MED13L: variants seen among roughly 807,000 people sequenced by gnomAD.
MED13L encodes the protein mediator of RNA polymerase II transcription subunit 13-like.
A neutral mutation model predicts 220.9 loss-of-function variants in MED13L; 7 were observed. That is an observed-to-expected ratio of 0.03 (90% CI 0.02 to 0.06). The LOEUF (loss-of-function observed/expected upper bound fraction) is 0.06, where lower values mean the gene tolerates loss of function less well. MED13L is among the 10% of genes least tolerant of loss of function. MED13L has a pLI of 1.00. For missense variants in MED13L, 1,965 were observed against 2,760.5 expected (o/e 0.71, Z 6.46); for synonymous variants, 1,011 against 1,015.2 (o/e 1.00, Z 0.08).
intron 2 of MED13L, among the ~76,000 whole-genome samples, chr12:116,214,065 T>C (rs1451428540): frequency 6.6e-6 from 1 of 152,228 alleles, no homozygotes; most frequent in Non-Finnish European, 1.5e-5. Context: ...GCCTATGGGG[T>C]AGCCCTGCTC....
chr12:116,132,634 A>C (rs1212339010), intron 2 of MED13L, among the ~76,000 whole-genome samples: 1 of 152,078 alleles, frequency 6.6e-6, no homozygotes, highest in Non-Finnish European at 1.5e-5. Flanking sequence ...GAAAGGGAAG[A>C]AACAGGTCGG....
intron 2 of MED13L, among the ~76,000 whole-genome samples, chr12:116,182,400 C>T (rs1049304933): frequency 6.6e-6 from 1 of 152,210 alleles, no homozygotes; most frequent in Non-Finnish European, 1.5e-5. Flanking sequence ...TTGGTCTCAA[C>T]TGATGACCTT....
At chr12:115,990,207 T>C (rs753205464) in intron 17 of MED13L, among the ~76,000 whole-genome samples, 1 of 152,176 alleles carries the variant, frequency 6.6e-6, no homozygotes, top group Non-Finnish European at 1.5e-5. Context: ...TACTCATCAT[T>C]GAGATCTCTG....
At chr12:116,009,692 A>G (rs748638992) in intron 9 of MED13L, among the ~76,000 whole-genome samples, 12 of 152,232 alleles carry the variant, frequency 7.9e-5, no homozygotes, top group South Asian at 4.1e-4. Context: ...ATGTGCCACT[A>G]TATCTAGGCA....
chr12:116,155,757 A>G (rs952472595), intron 2 of MED13L, among the ~76,000 whole-genome samples: 5 of 152,158 alleles, frequency 3.3e-5, no homozygotes, highest in Non-Finnish European at 5.9e-5. Flanking sequence ...CTGTTAATAT[A>G]TTAACTATTC....
chr12:116,259,793 G>A (rs549392873), intron 1 of MED13L, among the ~76,000 whole-genome samples: 6 of 152,080 alleles, frequency 3.9e-5, no homozygotes, highest in African/African-American at 1.2e-4. Flanking sequence ...GTGAGGGGAG[G>A]GATCCTTCAT....
chr12:116,170,056 T>C (rs1392884027), intron 2 of MED13L, among the ~76,000 whole-genome samples: 3 of 152,172 alleles, frequency 2.0e-5, no homozygotes, highest in Non-Finnish European at 2.9e-5. Context: ...TGAACTTCTA[T>C]ATTCTGTCAC....
chr12:116,011,390 C>A (rs1268406414), intron 9 of MED13L, among the ~76,000 whole-genome samples: 1 of 152,118 alleles, frequency 6.6e-6, no homozygotes, highest in Admixed American at 6.5e-5. Context: ...TTACACTTAA[C>A]GTGTTACAAA....
At chr12:115,966,332 T>A in intron 28 of MED13L, 89 bp from the exon 29 acceptor site, 1 of 1,408,782 alleles carries the variant, frequency 7.1e-7, no homozygotes, top group Non-Finnish European at 9.9e-7. Flanking sequence ...CACACTGCAG[T>A]GAGTGATCCC....
chr12:116,118,447 T>C (rs2137936917), intron 2 of MED13L, among the ~76,000 whole-genome samples: 1 of 152,294 alleles, frequency 6.6e-6, no homozygotes, highest in Non-Finnish European at 1.5e-5. Flanking sequence ...GAAAATTACA[T>C]ACTAAAGATT....
rs751600660 is a variant in MED13L, at chr12:116,109,060, CTTTTTTTT to C, written c.395+2360_395+2367del. On this transcript the variant is annotated intron_variant, in intron 3 of 30. Transcript: ENST00000281928. Reference sequence around the variant, plus strand: ...AACTTTATATGTCATAATTAATTTCCTTTTTTTTTTTTTTTTTTTTTTTTTTTGGAAAC... The same window carrying C: ...AACTTTATATGTCATAATTAATTTCCTTTTTTTTTTTTTTTTTTTGGAAAC... Among the ~76,000 whole-genome samples, 5 of 97,112 alleles carry C rather than the reference CTTTTTTTT, an allele frequency of 5.1e-5. No individual in the cohort carries two copies. The East Asian group carries it at 8.6e-4, about 17-fold the overall frequency. 63.7% of individuals were successfully genotyped at this position (97,112 alleles called of 152,430 possible). A position where few individuals can be genotyped will look rare whatever the true frequency, so the allele number is the denominator to read the frequency against.
At chr12:116,161,700 G>A (rs1878866594) in intron 2 of MED13L, among the ~76,000 whole-genome samples, 1 of 152,094 alleles carries the variant, frequency 6.6e-6, no homozygotes. Context: ...AGGAGGAGCT[G>A]CTTACTCAAA....
At chr12:116,225,200 T>C (rs1001391538) in intron 2 of MED13L, among the ~76,000 whole-genome samples, 1 of 152,212 alleles carries the variant, frequency 6.6e-6, no homozygotes, top group Non-Finnish European at 1.5e-5. Context: ...AATAGATATA[T>C]CTGTGTATAT....
At chr12:116,225,635 T>C (rs766390995) in intron 2 of MED13L, among the ~76,000 whole-genome samples, 19 of 152,190 alleles carry the variant, frequency 1.2e-4, no homozygotes, top group Non-Finnish European at 2.8e-4. Context: ...ATTTTTCTCC[T>C]TTAGACTAAA....
Position 116,022,439 on chromosome 12 carries a change from G to C in MED13L, c.625+17C>G. The stretch of plus-strand genomic sequence containing the variant: ...CGGTGGCGGATAGGGGTGGAGAGCA[G>C]GAACACCCATACTTACCTTGAAATG... On this transcript the variant is annotated intron_variant, in intron 5 of 30. Transcript: ENST00000281928. The C allele has an allele frequency of 6.2e-7, 1 of 1,613,368 alleles. No individual in the cohort carries two copies. The highest frequency in any genetic ancestry group is 8.5e-7 in the Non-Finnish European group (1 of 1,179,628).
At chr12:116,007,872 A>ATTCCATCTGT in intron 10 of MED13L, 1 of 527,752 alleles carries the variant, frequency 1.9e-6, no homozygotes, top group Non-Finnish European at 3.4e-6. Context: ...CTAGTTTCAA[A>ATTCCATCTGT]TTCCATCTGT....
chr12:116,056,071 T>G (rs1326706803), intron 4 of MED13L, among the ~76,000 whole-genome samples: 1 of 151,972 alleles, frequency 6.6e-6, no homozygotes, highest in African/African-American at 2.4e-5. Flanking sequence ...GGTGGTTTAG[T>G]AAGCTGCTGG....
chr12:116,072,427 G>A (rs1450780661), intron 4 of MED13L, among the ~76,000 whole-genome samples: 1 of 152,094 alleles, frequency 6.6e-6, no homozygotes, highest in Non-Finnish European at 1.5e-5. Flanking sequence ...GTAAACACAT[G>A]AAACATGCCT....
chr12:115,963,066 A>C (rs533583526), intron 30 of MED13L, among the ~76,000 whole-genome samples: 30 of 152,294 alleles, frequency 2.0e-4, no homozygotes, highest in Non-Finnish European at 4.0e-4. Flanking sequence ...AAGCATAAAA[A>C]GTGTTTTCAA....
Sources: gnomAD v4.1 joint callset for allele counts (sites outside exome capture counted in the v4.1 genomes callset) on GRCh38, gnomAD v4.1.1 for gene constraint, MANE v1.5 for transcripts, NCBI Gene and HGNC (gene_info 2026-07-23, HGNC 2026-07-21) for gene names.